PADI2: variants seen among roughly 807,000 people sequenced by gnomAD.
PADI2 encodes the protein protein-arginine deiminase type-2.
In PADI2, 70 loss-of-function variants were observed where a neutral mutation model predicts 81.1. The ratio of observed to expected loss-of-function variants is 0.86; its 90% CI spans 0.71 to 1.05. The LOEUF (loss-of-function observed/expected upper bound fraction) is 1.05, where lower values mean the gene tolerates loss of function less well. Among genes scored for constraint, PADI2 ranks in the 50% least tolerant of loss-of-function variants. The pLI, the probability that PADI2 is intolerant of heterozygous loss-of-function variation, is 0.00. For missense variants in PADI2, 853 were observed against 889.9 expected, an observed-to-expected ratio of 0.96 and a Z score of 0.53; for synonymous variants, 338 against 358.0, an observed-to-expected ratio of 0.94 and a Z score of 0.63.
intron 2 of PADI2, among the ~76,000 whole-genome samples, chr1:17,103,807 C>G (rs1237202979): frequency 2.0e-5 from 2 of 102,036 alleles, no homozygotes; most frequent in Non-Finnish European, 1.9e-5. Flanking sequence ...ATAGTAAGAC[C>G]TGTCTCTAAA....
chr1:17,075,518 ATTT>A, intron 12 of PADI2, 158 bp downstream of exon 12: 1 of 605,382 alleles, frequency 1.7e-6, no homozygotes, highest in Non-Finnish European at 2.7e-6. Flanking sequence ...TGGGGTTAAA[ATTT>A]TACCTGCCAC....
rs747146158 is a variant in PADI2, at chr1:17,083,794, C to T, written c.982G>A (p.Val328Met). 8.7e-6 allele frequency: 14 copies of T among 1,613,648 alleles called. No homozygotes were observed. The highest frequency in any genetic ancestry group is 1.2e-5 in the Non-Finnish European group (14 of 1,179,530). Residue 328 changes from valine to methionine, a missense_variant, in exon 9 of 16, where the codon GTG (valine) becomes ATG (methionine). Physicochemically the swap from Val to Met is conservative, Grantham distance 21. Coordinates refer to ENST00000375486, the MANE Select transcript of PADI2 (RefSeq NM_007365.3). Reference sequence around the variant, plus strand: ...TTCAGCTCACAGTTGGTTTTCTCCACAAGGTTCTTCACCTCTTTCAGGAAC... The same window carrying T: ...TTCAGCTCACAGTTGGTTTTCTCCATAAGGTTCTTCACCTCTTTCAGGAAC... ...YLFLKEVKNLVEKTNCELKVC... is the reference protein window; with the variant it reads ...YLFLKEVKNLMEKTNCELKVC...
At chr1:17,082,011 G>A (rs1417696135) in intron 10 of PADI2, among the ~76,000 whole-genome samples, 1 of 152,190 alleles carries the variant, frequency 6.6e-6, no homozygotes, top group African/African-American at 2.4e-5. Context: ...TACTTGGGAG[G>A]CTGAGGCAGG....
chr1:17,107,669 G>A (rs6662829), intron 1 of PADI2, among the ~76,000 whole-genome samples: 17 of 152,336 alleles, frequency 1.1e-4, no homozygotes, highest in Non-Finnish European at 1.8e-4. Context: ...GGCCAAGGCC[G>A]TGAGCGTGAA....
intron 1 of PADI2, among the ~76,000 whole-genome samples, chr1:17,112,551 G>A (rs1441014639): frequency 6.6e-6 from 1 of 151,982 alleles, no homozygotes; most frequent in East Asian, 1.9e-4. Flanking sequence ...GTGCCAGCCT[G>A]TCATGCAACC....
At chr1:17,076,624 A>C (rs1303394836) in intron 11 of PADI2, among the ~76,000 whole-genome samples, 2 of 150,422 alleles carry the variant, frequency 1.3e-5, no homozygotes, top group Non-Finnish European at 3.0e-5. Flanking sequence ...TAACTCTGTC[A>C]CCAGTGCAGT....
intron 1 of PADI2, among the ~76,000 whole-genome samples, chr1:17,108,415 C>T (rs1421977836): frequency 2.0e-5 from 3 of 152,258 alleles, no homozygotes; most frequent in East Asian, 1.9e-4. Flanking sequence ...TGCCACCCTC[C>T]TGCCCATAGC....
intron 13 of PADI2, 31 bp from the exon 14 acceptor site, chr1:17,071,522 A>G: frequency 1.3e-6 from 2 of 1,538,332 alleles, no homozygotes. Context: ...GGGATGGTCA[A>G]GCTTTAGATA....
intron 1 of PADI2, among the ~76,000 whole-genome samples, chr1:17,106,383 G>A (rs952367298): frequency 3.3e-5 from 5 of 152,024 alleles, no homozygotes. Context: ...GGTATTTGGA[G>A]ATAGAGCTTT....
intron 6 of PADI2, among the ~76,000 whole-genome samples, chr1:17,090,581 T>TTGTGTGTGTGTGTGTGTGTGTGTGTG (rs3036949): frequency 7.7e-5 from 11 of 142,740 alleles, no homozygotes; most frequent in Non-Finnish European, 1.5e-4. Flanking sequence ...CGTCCTTTGC[T>TTGTGTGTGTGTGTGTGTGTGTGTGTG]TGTGTGTGTG....
chr1:17,095,032 T>A (rs1930863074), intron 4 of PADI2, among the ~76,000 whole-genome samples: 1 of 152,220 alleles, frequency 6.6e-6, no homozygotes, highest in Non-Finnish European at 1.5e-5. Context: ...AGGCTTCTCA[T>A]CAGGCTGTGT....
intron 1 of PADI2, among the ~76,000 whole-genome samples, chr1:17,109,842 T>C (rs941271399): frequency 6.6e-6 from 1 of 152,208 alleles, no homozygotes; most frequent in Non-Finnish European, 1.5e-5. Flanking sequence ...CTGCACACAA[T>C]TCTATTTAGG....
At position 17,096,086 on chromosome 1, in the gene PADI2, G is replaced by C. The variant is rs1930916755; in HGVS notation, c.350-116C>G. On this transcript the variant is annotated intron_variant, in intron 3 of 15. Coordinates refer to ENST00000375486, the MANE Select transcript of PADI2 (RefSeq NM_007365.3). ...CAGCCATTCATTTGGTCACGGGAAA[G>C]AGAGGACCTCGCTGAAGTCATCTTA... 3 of 711,516 alleles carry C rather than the reference G, an allele frequency of 4.2e-6. No individual in the cohort carries two copies. The East Asian group carries it at 8.4e-5, about 20-fold the overall frequency. 44.1% of individuals were successfully genotyped at this position (711,516 alleles called of 1,614,324 possible).
intron 11 of PADI2, among the ~76,000 whole-genome samples, chr1:17,076,375 C>T (rs530909095): frequency 2.6e-5 from 4 of 152,094 alleles, no homozygotes; most frequent in South Asian, 2.1e-4. Flanking sequence ...CCACCACGCC[C>T]GGCTAATTTT....
chr1:17,094,269 CCT>C (rs1414790567), intron 4 of PADI2, among the ~76,000 whole-genome samples: 1 of 152,188 alleles, frequency 6.6e-6, no homozygotes, highest in Non-Finnish European at 1.5e-5. Flanking sequence ...AACTTGCCTT[CCT>C]CTCTGTCTCA....
chr1:17,084,383 T>C (rs1422700174), intron 8 of PADI2, among the ~76,000 whole-genome samples: 1 of 152,254 alleles, frequency 6.6e-6, no homozygotes, highest in Non-Finnish European at 1.5e-5. Flanking sequence ...TTTTAGAGCA[T>C]ACCCTGTGTG....
intron 5 of PADI2, among the ~76,000 whole-genome samples, chr1:17,093,015 T>C (rs1429538654): frequency 2.0e-5 from 3 of 151,856 alleles, no homozygotes; most frequent in Non-Finnish European, 4.4e-5. Flanking sequence ...TAAAAACCAG[T>C]TGTCATTTCC....
chr1:17,113,717 G>A (rs985472836), intron 1 of PADI2, among the ~76,000 whole-genome samples: 11 of 152,246 alleles, frequency 7.2e-5, no homozygotes, highest in Admixed American at 2.6e-4. Flanking sequence ...CTGGCTTCCT[G>A]TCCTGGGCTC....
chr1:17,075,760 C>A lies in PADI2; in HGVS notation c.1374G>T (p.Ala458=). The change falls in exon 12 of 16, where the codon GCG becomes GCT. Residue 458 remains alanine (A), a synonymous_variant. Transcript: ENST00000375486. ...RDFLKAQQVQ[A]PVELYSDWLT... is the part of the protein sequence containing the mutation. ...GCCAGTCTGAGTAGAGCTCCACGGG[C>A]GCCTGCACCTGCTGGGCCTTCAGGA... The A allele has an allele frequency of 6.2e-7, 1 of 1,613,548 alleles. No homozygotes were observed. The highest frequency in any genetic ancestry group is 8.5e-7 in the Non-Finnish European group (1 of 1,179,782).
Sources: gnomAD v4.1 joint callset for allele counts (sites outside exome capture counted in the v4.1 genomes callset) on GRCh38, gnomAD v4.1.1 for gene constraint, MANE v1.5 for transcripts, NCBI Gene and HGNC (gene_info 2026-07-23, HGNC 2026-07-21) for gene names.